TERF2: variants seen among roughly 807,000 people sequenced by gnomAD.
TERF2 encodes the protein telomeric repeat binding factor 2.
In TERF2, 16 loss-of-function variants were observed where a neutral mutation model predicts 56.1. That is an observed-to-expected ratio of 0.29 (90% confidence interval 0.19 to 0.43). The LOEUF is 0.43. Among genes scored for constraint, TERF2 ranks in the 20% least tolerant of loss-of-function variants. The probability of loss-of-function intolerance (pLI) is 1.00; values close to 1 mark genes in which losing one functional copy is unlikely to be tolerated. For synonymous variants in TERF2, 296 were observed against 282.1 expected (o/e 1.05, Z -0.50); for missense variants, 547 against 712.9 (o/e 0.77, Z 2.65).
At chr16:69,368,740 A>G (rs923482768) in intron 5 of TERF2, 5 of 746,330 alleles carry the variant, frequency 6.7e-6, no homozygotes, top group African/African-American at 3.6e-5. Flanking sequence ...ACAGTGGTGC[A>G]ATCTCGGCTC....
At chr16:69,362,332 G>A (rs1006253677) in intron 7 of TERF2, among the ~76,000 whole-genome samples, 3 of 151,964 alleles carry the variant, frequency 2.0e-5, no homozygotes, top group African/African-American at 7.3e-5. Context: ...AACACACACA[G>A]AAAGCCTTTC....
At chr16:69,382,304 C>T (rs914573266) in intron 3 of TERF2, among the ~76,000 whole-genome samples, 11 of 152,356 alleles carry the variant, frequency 7.2e-5, no homozygotes, top group South Asian at 6.2e-4. Flanking sequence ...ATGAGCAAGG[C>T]TCACTGAACC....
intron 8 of TERF2, among the ~76,000 whole-genome samples, chr16:69,359,465 T>C (rs948095885): frequency 6.7e-6 from 1 of 149,226 alleles, no homozygotes; most frequent in Non-Finnish European, 1.5e-5. Flanking sequence ...GAGGTGGAGG[T>C]TGCGGTGAGG....
At chr16:69,357,652 A>G in intron 8 of TERF2, 91 bp from the exon 9 acceptor site, 2 of 1,468,348 alleles carry the variant, frequency 1.4e-6, no homozygotes, top group South Asian at 2.4e-5. Flanking sequence ...CAAAGGGAAA[A>G]CTTCTTCAAA....
At chr16:69,381,683 G>T (rs1234437825) in intron 3 of TERF2, among the ~76,000 whole-genome samples, 1 of 151,878 alleles carries the variant, frequency 6.6e-6, no homozygotes, top group Non-Finnish European at 1.5e-5. Flanking sequence ...GTTTCACTAT[G>T]TTACCCAGGC....
Position 69,356,730 on chromosome 16 carries a change from A to G in TERF2, c.*168T>C. 1 of 678,486 alleles carries G rather than the reference A, an allele frequency of 1.5e-6. No homozygotes were observed. The highest frequency in any genetic ancestry group is 2.3e-6 in the Non-Finnish European group (1 of 442,498). 42.0% of individuals were successfully genotyped at this position (678,486 alleles called of 1,614,324 possible). A position where few individuals can be genotyped will look rare whatever the true frequency, so the allele number is the denominator to read the frequency against. ...CAGGAGAATGGCGTGAGCCCGGGAG[A>G]CGGAGGTCGCAGTGAGCCGAGATCA... On this transcript the variant is annotated 3_prime_UTR_variant, in exon 10 of 10. Coordinates refer to ENST00000254942, the MANE Select transcript of TERF2 (RefSeq NM_005652.5).
Position 69,384,726 on chromosome 16 carries a change from G to T in TERF2, c.476-16C>A, listed in dbSNP as rs754625258. ...AAGGAACAGTCTAGGACAAAGCACA[G>T]TTTTCATTTTTAAGCTCTTTTCTAA... On this transcript the variant is annotated splice_polypyrimidine_tract_variant and intron_variant, in intron 2 of 9. Transcript: ENST00000254942. 1.3e-6 allele frequency: 2 copies of T among 1,568,164 alleles called. No homozygotes were observed. Among genetic ancestry groups the T allele is most frequent in the South Asian group, 1.3e-5 (1 of 79,816 alleles).
intron 7 of TERF2, 176 bp downstream of exon 7, chr16:69,366,631 G>C (rs1048809): frequency 7.3e-6 from 6 of 825,794 alleles, no homozygotes; most frequent in Non-Finnish European, 1.1e-5. Context: ...CGGGGCTTCA[G>C]AACCGGCAGG....
intron 3 of TERF2, among the ~76,000 whole-genome samples, chr16:69,380,712 A>G (rs1327598740): frequency 2.0e-5 from 3 of 151,958 alleles, no homozygotes; most frequent in Admixed American, 6.6e-5. Context: ...TCTTTCATCC[A>G]TGGATGACTT....
chr16:69,364,495 T>C (rs941299325), intron 7 of TERF2, among the ~76,000 whole-genome samples: 1 of 152,040 alleles, frequency 6.6e-6, no homozygotes, highest in Non-Finnish European at 1.5e-5. Flanking sequence ...CTTGAGAGCC[T>C]CTGCCTGACA....
At chr16:69,378,041 T>C (rs1005362962) in intron 3 of TERF2, among the ~76,000 whole-genome samples, 1 of 152,254 alleles carries the variant, frequency 6.6e-6, no homozygotes, top group Non-Finnish European at 1.5e-5. Context: ...GTGGGCTTTT[T>C]GTAGACACCT....
intron 3 of TERF2, among the ~76,000 whole-genome samples, chr16:69,377,135 G>A (rs189955463): frequency 2.6e-5 from 4 of 151,068 alleles, no homozygotes; most frequent in Middle Eastern, 6.9e-3. Context: ...CCTAGGAGAC[G>A]GAGGTTGCAG....
At chr16:69,376,456 T>G (rs992920165) in intron 3 of TERF2, among the ~76,000 whole-genome samples, 2 of 152,192 alleles carry the variant, frequency 1.3e-5, no homozygotes, top group Non-Finnish European at 2.9e-5. Flanking sequence ...TTGGGTAGTA[T>G]GAATCCAAAT....
In TERF2 at chr16:69,384,610, G is replaced by A. The variant is rs761040166; in HGVS notation, c.576C>T (p.Val192=). 1.1e-5 allele frequency: 18 copies of A among 1,613,762 alleles called. No individual in the cohort carries two copies. The highest frequency in any genetic ancestry group is 1.3e-5 in the Non-Finnish European group (15 of 1,180,002). ...KTEFTLTEAV[V]ESSRKLVKEA... ...CCTTGACCAGTTTTCTACTGGATTC[G>A]ACCACTGCTTCTGTCAGTGTAAATT... Residue 192 remains valine, a synonymous_variant, in exon 3 of 10, where the codon GTC becomes GTT. Transcript: ENST00000254942.
chr16:69,363,367 T>G (rs2013214556), intron 7 of TERF2, among the ~76,000 whole-genome samples: 1 of 152,158 alleles, frequency 6.6e-6, no homozygotes, highest in Non-Finnish European at 1.5e-5. Context: ...CACTATTACC[T>G]GTACAAATAC....
At chr16:69,366,579 A>G (rs1405949922) in intron 7 of TERF2, 9 of 530,462 alleles carry the variant, frequency 1.7e-5, no homozygotes, top group Non-Finnish European at 2.3e-5. Flanking sequence ...AAACCTTTCC[A>G]TTCCCACTCA....
rs1408169466 is a variant in TERF2, at chr16:69,357,690, TATCA to T, written c.1427-133_1427-130del. ...TCACAAGCATTGAGAAGAGAAAGGATATCACTAAAGGATAATTTACTTTTCTCCT... is the reference window on the plus strand; with the variant it reads ...TCACAAGCATTGAGAAGAGAAAGGATCTAAAGGATAATTTACTTTTCTCCT... On this transcript the variant is annotated intron_variant, in intron 8 of 9. Transcript: ENST00000254942. The T allele has an allele frequency of 3.7e-6, 4 of 1,074,778 alleles. No homozygotes were observed. The African/African-American group carries it at 6.4e-5, about 17-fold the overall frequency. The allele number at this position is 1,074,778 out of a possible 1,614,324, so 66.6% of individuals were successfully genotyped here.
At chr16:69,384,431 G>C (rs537994689) in intron 3 of TERF2, 149 bp downstream of exon 3, 6 of 838,900 alleles carry the variant, frequency 7.2e-6, no homozygotes, top group African/African-American at 1.7e-5. Flanking sequence ...GACACCTGAA[G>C]AAATAACGTC....
Position 69,385,826 on chromosome 16 carries a change from C to A in TERF2, c.146G>T (p.Ser49Ile). 7.5e-7 allele frequency: 1 copy of A among 1,337,948 alleles called. No individual in the cohort carries two copies. The highest frequency in any genetic ancestry group is 9.6e-7 in the Non-Finnish European group (1 of 1,042,934). 82.9% of individuals were successfully genotyped at this position (1,337,948 alleles called of 1,614,324 possible). Reference sequence around the variant, plus strand: ...AGCTGCCCGCCCGCTGCCGTCGCTACTCCCGCCTCCTCCCGCCATCGTGTC... The same window carrying A: ...AGCTGCCCGCCCGCTGCCGTCGCTAATCCCGCCTCCTCCCGCCATCGTGTC... ...RSDTMAGGGG[S>I]SDGSGRAAGR... Residue 49 changes from serine to isoleucine, a missense_variant, in exon 1 of 10, where the codon AGT (serine) becomes ATT (isoleucine). Transcript: ENST00000254942.
Sources: allele counts gnomAD v4.1 joint callset (sites outside exome capture counted in the v4.1 genomes callset), GRCh38; gene constraint gnomAD v4.1.1; transcripts MANE v1.5; gene names NCBI Gene and HGNC (gene_info 2026-07-23, HGNC 2026-07-21).